Variants in PKD1 observed in about 807,000 individuals in gnomAD.
PKD1 encodes polycystin 1, transient receptor potential channel interacting.
A neutral mutation model predicts 361.7 loss-of-function variants in PKD1; 81 were observed. That is an observed-to-expected ratio of 0.22 (90% CI 0.19 to 0.27). PKD1 has a LOEUF of 0.27. Ranked by LOEUF, PKD1 falls within the 10% of genes least tolerant of loss-of-function variation. The pLI, the probability that PKD1 is intolerant of heterozygous loss-of-function variation, is 1.00. For missense variants in PKD1, 6,399 were observed against 6,118.3 expected, an observed-to-expected ratio of 1.05 and a Z score of -1.53; for synonymous variants, 3,615 against 2,818.3, an observed-to-expected ratio of 1.28 and a Z score of -8.95.
rs532448929 is a variant in PKD1, at chr16:2,109,455, C to T, written c.5712G>A (p.Leu1904=). ...CAGCCAGCAGGATCTGAAAATGGACCAGCTGCCCGGGCGCCACCACCTTGC... is the reference window on the plus strand; with the variant it reads ...CAGCCAGCAGGATCTGAAAATGGACTAGCTGCCCGGGCGCCACCACCTTGC... ...ASSKVVAPGQ[L]VHFQILLAAG... The change falls in exon 15 of 46, where the codon CTG becomes CTA. Residue 1904 remains leucine (L), a synonymous_variant. Coordinates refer to ENST00000262304, the MANE Select transcript of PKD1 (RefSeq NM_001009944.3). 11 of 1,607,456 alleles carry T rather than the reference C, an allele frequency of 6.8e-6. No individual in the cohort carries two copies. The Admixed American group carries it at 8.3e-5, about 12-fold the overall frequency.
rs372375123 is a variant in PKD1, at chr16:2,108,568, C to T, written c.6599G>A (p.Arg2200His). 1.6e-4 allele frequency: 244 copies of T among 1,568,114 alleles called. No homozygotes were observed. The highest frequency in any genetic ancestry group is 2.0e-4 in the Non-Finnish European group (232 of 1,156,848). ...YRTASCQRPG[R>H]PARVALPGVD... is the part of the protein sequence containing the mutation. ...GCCGGGCAGGGCCACACGCGCTGGG[C>T]GCCCCGGCCGCTGGCAGCTGGCGGT... is the stretch of plus-strand genomic sequence containing the variant. The change falls in exon 15 of 46, where the codon CGC (arginine) becomes CAC (histidine). Residue 2200 changes from arginine to histidine, a missense_variant. Coordinates refer to ENST00000262304, the MANE Select transcript of PKD1 (RefSeq NM_001009944.3).
intron 42 of PKD1, 78 bp downstream of exon 42, chr16:2,091,345 C>G: frequency 2.6e-6 from 2 of 757,410 alleles, no homozygotes; most frequent in Non-Finnish European, 3.3e-6. Context: ...AGGGGTGAGA[C>G]GCTGCCGGGG....
Position 2,106,225 on chromosome 16 carries a change from C to T in PKD1, c.7569G>A (p.Glu2523=), listed in dbSNP as rs765319765. ...LLRRCRQGHC[E]EFCVYKGSLS... The stretch of plus-strand genomic sequence containing the variant: ...GGCTGCCCTTGTAGACACAGAACTC[C>T]TCGCAGTGGCCCTGGCGACAGCGCC... The change falls in exon 19 of 46, where the codon GAG becomes GAA. Residue 2523 remains glutamate, a synonymous_variant. Transcript: ENST00000262304. This position sits in a 1 kb window ranked among gnomAD's most constrained non-coding sequence, Gnocchi z 6.5. 5.0e-6 allele frequency: 8 copies of T among 1,610,216 alleles called. No homozygotes were observed. Among genetic ancestry groups the T allele is most frequent in the Middle Eastern group, 2.3e-4 (1 of 4,428 alleles).
chr16:2,123,433 G>A (rs1363815834), intron 1 of PKD1: 10 of 456,250 alleles, frequency 2.2e-5, no homozygotes, highest in Non-Finnish European at 1.3e-5. Flanking sequence ...CAGGGACAGG[G>A]AACAGCACAG....
At position 2,109,565 on chromosome 16, in the gene PKD1, C is replaced by A. The variant is rs753398195; in HGVS notation, c.5602G>T (p.Ala1868Ser). The change falls in exon 15 of 46, where the codon GCC becomes TCC. Residue 1868 changes from alanine (A) to serine (S), a missense_variant. Coordinates refer to ENST00000262304, the MANE Select transcript of PKD1 (RefSeq NM_001009944.3). Reference sequence around the variant, plus strand: ...GAGACCCAGCTGACTGCGTTGGAGGCATTGAGCCGGATGGAGAAGGTGCCA... The same window carrying A: ...GAGACCCAGCTGACTGCGTTGGAGGAATTGAGCCGGATGGAGAAGGTGCCA... ...DAGTFSIRLN[A>S]SNAVSWVSAT... 7 of 1,611,742 alleles carry A rather than the reference C, an allele frequency of 4.3e-6. No individual in the cohort carries two copies. The Admixed American group carries it at 6.7e-5, about 15-fold the overall frequency.
rs1265357275 is a variant in PKD1, at chr16:2,094,174, C to T, written c.10536G>A (p.Ala3512=). The T allele has an allele frequency of 8.7e-6, 14 of 1,605,882 alleles. No homozygotes were observed. The highest frequency in any genetic ancestry group is 1.7e-4 in the Middle Eastern group (1 of 6,050). ...GCCCCAGCTCCCCCAGCCTCTGCAG[C>T]GCCAGCGTCTCTGTCTTCTCCCCAG... ...STPGEKTETL[A]LQRLGELGPP... Residue 3512 remains alanine, a synonymous_variant, in exon 35 of 46, where the codon GCG becomes GCA. Coordinates refer to ENST00000262304, the MANE Select transcript of PKD1 (RefSeq NM_001009944.3).
Position 2,099,899 on chromosome 16 carries a change from G to A in PKD1, c.9885C>T (p.Asn3295=), listed in dbSNP as rs764028566. 2.2e-5 allele frequency: 34 copies of A among 1,567,170 alleles called. No individual in the cohort carries two copies. The highest frequency in any genetic ancestry group is 7.1e-5 in the East Asian group (3 of 42,520). ...CGCCAACAGCCCCGTACCACACGGC[G>A]TTGGCGCCCAGGAAGAGGCAGATGA... The part of the protein sequence containing the change: ...VLLICLFLGA[N]AVWYGAVGDS... Residue 3295 remains asparagine, a synonymous_variant, in exon 29 of 46, where the codon AAC becomes AAT. Coordinates refer to ENST00000262304, the MANE Select transcript of PKD1 (RefSeq NM_001009944.3).
chr16:2,093,305 G>A, intron 37 of PKD1: 2 of 681,108 alleles, frequency 2.9e-6, no homozygotes, highest in Non-Finnish European at 5.0e-6. Flanking sequence ...CACTGCAGTG[G>A]TGCTTAGGGG....
chr16:2,099,271 G>A (rs1357674654), intron 30 of PKD1: 1 of 359,962 alleles, frequency 2.8e-6, no homozygotes, highest in South Asian at 2.1e-5. Flanking sequence ...CCGGCCACTG[G>A]GACGTTTCTA....
chr16:2,104,625 G>A lies in PKD1; in HGVS notation c.8034C>T (p.Leu2678=), dbSNP rs574400883. The A allele has an allele frequency of 8.9e-5, 139 of 1,567,242 alleles. No individual in the cohort carries two copies. The highest frequency in any genetic ancestry group is 2.7e-4 in the South Asian group (24 of 88,654). ...TCTGCTTCAGGCACGAGCGGCATAC[G>A]AGCTCCCTGCTGGGCCCCTGTGTGG... ...LAQCMGPSRE[L]VCRSCLKQTL... Residue 2678 remains leucine (L), a synonymous_variant, in exon 22 of 46, where the codon CTC becomes CTT. Coordinates refer to ENST00000262304, the MANE Select transcript of PKD1 (RefSeq NM_001009944.3).
intron 14 of PKD1, 60 bp from the exon 15 acceptor site, chr16:2,111,931 G>C (rs1180696761): frequency 6.3e-7 from 1 of 1,581,548 alleles, no homozygotes; most frequent in Non-Finnish European, 8.6e-7. Context: ...CCACCCGCTC[G>C]GCAGAAGCCC....
rs2091409710 is a variant in PKD1 at position 2,090,129 on chromosome 16, C to G, written c.12510G>C (p.Lys4170Asn). ...PLPSRSSRGS[K>N]VSPDVPPPSA... ...TGGGTGGGGGCACATCCGGGGATAC[C>G]TTGGAGCCCCTGGAGGAGCGAGAGG... is the stretch of plus-strand genomic sequence containing the variant. Residue 4170 changes from lysine (K) to asparagine (N), a missense_variant, in exon 46 of 46, where the codon AAG (lysine) becomes AAC (asparagine). Physicochemically the swap from Lys to Asn is moderately conservative, Grantham distance 94 (BLOSUM62 0). Transcript: ENST00000262304. 2 of 1,597,766 alleles carry G rather than the reference C, an allele frequency of 1.3e-6. No homozygotes were observed. Among genetic ancestry groups the G allele is most frequent in the Admixed American group, 3.4e-5 (2 of 59,412 alleles).
At position 2,094,114 on chromosome 16, in the gene PKD1, C is replaced by G. The variant is rs758698789; in HGVS notation, c.10596G>C (p.Gln3532His). 3 of 1,592,756 alleles carry G rather than the reference C, an allele frequency of 1.9e-6. No homozygotes were observed. The South Asian group carries it at 3.4e-5, about 18-fold the overall frequency. ...PSPGLNWEQP[Q>H]AARLSRTGLV... is the part of the protein sequence containing the mutation. ...CACCTGTCCTGGACAGCCTCGCTGC[C>G]TGGGGCTGTTCCCAGTTCAGGCCTG... Residue 3532 changes from glutamine to histidine, a missense_variant, in exon 35 of 46, where the codon CAG becomes CAC. By Grantham distance (24) the Gln-to-His change is conservative. Coordinates refer to ENST00000262304, the MANE Select transcript of PKD1 (RefSeq NM_001009944.3).
intron 14 of PKD1, 81 bp downstream of exon 14, chr16:2,112,259 G>T (rs1042732579): frequency 8.9e-6 from 11 of 1,236,390 alleles, no homozygotes; most frequent in Non-Finnish European, 1.3e-5. Context: ...GGAGGAAGGG[G>T]GGCAGCTTGA....
rs763346486 is a variant in PKD1, at chr16:2,104,470, G to A, written c.8161+28C>T. 1.4e-4 allele frequency: 213 copies of A among 1,485,602 alleles called. 3 individuals carry two copies. In the Middle Eastern group the frequency reaches 2.6e-3, roughly 18 times the overall value. The allele number at this position is 1,485,602 out of a possible 1,614,324, so 92.0% of individuals were successfully genotyped here. A position where few individuals can be genotyped will look rare whatever the true frequency, so the allele number is the denominator to read the frequency against. ...GAGGAAAGGGCCGCACGGGGCGGGC[G>A]GGTGGCATGGGGCACGGGCCGCGGC... On this transcript the variant is annotated intron_variant, in intron 22 of 45. Transcript: ENST00000262304.
chr16:2,120,170 T>C (rs2092697441), intron 1 of PKD1: 2 of 421,296 alleles, frequency 4.7e-6, no homozygotes, highest in Non-Finnish European at 8.5e-6. Context: ...TGAGATCGCA[T>C]CACTGTACTC....
In PKD1 at chr16:2,093,802, C is replaced by A; in HGVS notation, c.10821+9G>T. On this transcript the variant is annotated intron_variant, in intron 36 of 45. Coordinates refer to ENST00000262304, the MANE Select transcript of PKD1 (RefSeq NM_001009944.3). Reference sequence around the variant, plus strand: ...GAGGCCTGTAGCCTACCCCTGGCAGCCCCCTCACCTTCAGTGGCTCCCAGC... The same window carrying A: ...GAGGCCTGTAGCCTACCCCTGGCAGACCCCTCACCTTCAGTGGCTCCCAGC... The A allele has an allele frequency of 6.4e-7, 1 of 1,554,202 alleles. No homozygotes were observed. Among genetic ancestry groups the A allele is most frequent in the Non-Finnish European group, 8.7e-7 (1 of 1,153,256 alleles).
chr16:2,092,288 C>A, intron 39 of PKD1, 100 bp from the exon 40 acceptor site: 3 of 1,275,222 alleles, frequency 2.4e-6, no homozygotes, highest in South Asian at 2.6e-5. Flanking sequence ...TTCGGCGCCA[C>A]CCCAGGGAAC....
At position 2,108,509 on chromosome 16, in the gene PKD1, G is replaced by C. The variant is rs769509393; in HGVS notation, c.6658C>G (p.Arg2220Gly). Residue 2220 changes from arginine to glycine, a missense_variant, in exon 15 of 46, where the codon CGG becomes GGG. Arg to Gly is a moderately radical substitution (Grantham distance 125). Coordinates refer to ENST00000262304, the MANE Select transcript of PKD1 (RefSeq NM_001009944.3). ...DVSRPRLVLP[R>G]LALPVGHYCF... Reference sequence around the variant, plus strand: ...TAGTGCCCCACAGGCAGCGCCAGCCGCGGCAGCACCAGCCGAGGCCGGCTC... The same window carrying C: ...TAGTGCCCCACAGGCAGCGCCAGCCCCGGCAGCACCAGCCGAGGCCGGCTC... The C allele has an allele frequency of 8.7e-6, 14 of 1,608,674 alleles. No individual in the cohort carries two copies. The highest frequency in any genetic ancestry group is 1.7e-5 in the Admixed American group (1 of 59,960).
Sources: gnomAD v4.1 joint callset for allele counts on GRCh38, gnomAD v4.1.1 for gene constraint, Gnocchi (gnomAD v3.1) non-coding constraint, MANE v1.5 for transcripts, NCBI Gene and HGNC (gene_info 2026-07-23, HGNC 2026-07-21) for gene names.